Variants in MYT1L observed in about 807,000 individuals in gnomAD.
The protein encoded by MYT1L is myelin transcription factor 1-like protein.
Under a neutral mutation model 126.7 loss-of-function variants are expected in MYT1L, and 12 were observed. That is an observed-to-expected ratio of 0.09 (90% CI 0.06 to 0.15). The LOEUF is 0.15. Ranked by LOEUF, MYT1L falls within the 10% of genes least tolerant of loss-of-function variation. The pLI is 1.00. For missense variants in MYT1L, 979 were observed against 1,585.2 expected (o/e 0.62, Z 6.49); for synonymous variants, 541 against 604.2 (o/e 0.90, Z 1.53).
intron 4 of MYT1L, among the ~76,000 whole-genome samples, chr2:2,045,214 T>G (rs1049251544): frequency 6.6e-6 from 1 of 152,266 alleles, no homozygotes; most frequent in African/African-American, 2.4e-5. Flanking sequence ...ATGAGAGTTA[T>G]GCATGTAAAT....
chr2:2,258,036 A>C (rs1186369397), intron 2 of MYT1L, among the ~76,000 whole-genome samples: 1 of 115,176 alleles, frequency 8.7e-6, no homozygotes, highest in African/African-American at 3.8e-5. Flanking sequence ...TACTGGTACC[A>C]AAACAGAGAT....
At chr2:2,091,014 C>T (rs1575101763) in intron 3 of MYT1L, among the ~76,000 whole-genome samples, 2 of 152,362 alleles carry the variant, frequency 1.3e-5, no homozygotes, top group South Asian at 4.1e-4. Flanking sequence ...ATATCCTCCA[C>T]TGAAGTCTTG....
At chr2:1,868,733 C>A (rs952867976) in intron 18 of MYT1L, among the ~76,000 whole-genome samples, 1 of 152,184 alleles carries the variant, frequency 6.6e-6, no homozygotes, top group South Asian at 2.1e-4. Context: ...TGCAGACGAG[C>A]GTTGCTATGG....
At chr2:1,832,964 C>T (rs755801401) in intron 21 of MYT1L, among the ~76,000 whole-genome samples, 3 of 152,230 alleles carry the variant, frequency 2.0e-5, no homozygotes, top group Non-Finnish European at 4.4e-5. Flanking sequence ...GTAAACCAGA[C>T]CTGGACGGAG....
At chr2:2,093,445 G>C (rs942851679) in intron 3 of MYT1L, among the ~76,000 whole-genome samples, 3 of 151,874 alleles carry the variant, frequency 2.0e-5, no homozygotes, top group Non-Finnish European at 4.4e-5. Flanking sequence ...GGCCAGTGAT[G>C]ATGAGCATTT....
Position 2,089,454 on chromosome 2 carries a change from C to G in MYT1L, c.-303-35331G>C, listed in dbSNP as rs538849427. Among the ~76,000 whole-genome samples, 8 of 152,314 alleles carry G rather than the reference C, an allele frequency of 5.3e-5. No homozygotes were observed. In the East Asian group the frequency reaches 1.5e-3, roughly 29 times the overall value. ...TCTTCTTAGGTCTTTCCTAATAAAG[C>G]TACACACATGAAAGAAACAGAAATC... On this transcript the variant is annotated intron_variant, in intron 3 of 24. Transcript: ENST00000647738.
intron 3 of MYT1L, among the ~76,000 whole-genome samples, chr2:2,068,763 C>T (rs943832427): frequency 0.023 from 143 of 6,276 alleles, no homozygotes; most frequent in Admixed American, 0.033. Flanking sequence ...CACCTGTGTT[C>T]TTCTTGTTTT....
chr2:1,991,159 G>A (rs952904509), intron 5 of MYT1L, among the ~76,000 whole-genome samples: 8 of 152,152 alleles, frequency 5.3e-5, no homozygotes, highest in Non-Finnish European at 8.8e-5. Context: ...GCCTGCTTCC[G>A]AGTAAGAAGT....
chr2:1,859,818 T>G (rs1297771358), intron 18 of MYT1L, among the ~76,000 whole-genome samples: 1 of 152,226 alleles, frequency 6.6e-6, no homozygotes, highest in Admixed American at 6.5e-5. Flanking sequence ...GACGCACGCA[T>G]GCTGCCCCAG....
At chr2:1,803,080 TAGAAAGATGAG>T (rs1391907146) in intron 22 of MYT1L, among the ~76,000 whole-genome samples, 1 of 151,978 alleles carries the variant, frequency 6.6e-6, no homozygotes, top group Non-Finnish European at 1.5e-5. Flanking sequence ...ACCAAGACGT[TAGAAAGATGAG>T]AGTAAGAGAA....
intron 14 of MYT1L, among the ~76,000 whole-genome samples, chr2:1,893,924 T>C (rs1174175636): frequency 5.9e-5 from 9 of 152,164 alleles, no homozygotes; most frequent in Admixed American, 2.6e-4. Flanking sequence ...AGAGGAAGAC[T>C]GAGGACAGTG....
chr2:2,240,396 T>TA (rs1333027371), intron 2 of MYT1L, among the ~76,000 whole-genome samples: 1 of 151,800 alleles, frequency 6.6e-6, no homozygotes. Context: ...AGACTCATTT[T>TA]TAAAAAAAAA....
intron 2 of MYT1L, among the ~76,000 whole-genome samples, chr2:2,202,091 A>G (rs1183646396): frequency 6.6e-6 from 1 of 152,166 alleles, no homozygotes; most frequent in Non-Finnish European, 1.5e-5. Flanking sequence ...AAGACACAAC[A>G]TACCAGAATC....
chr2:2,285,717 C>T (rs1055846801), intron 1 of MYT1L, among the ~76,000 whole-genome samples: 4 of 152,124 alleles, frequency 2.6e-5, no homozygotes, highest in Non-Finnish European at 4.4e-5. Flanking sequence ...CTCCCATTTC[C>T]GAGTATCCAG....
chr2:2,191,996 G>A (rs1335046392), intron 2 of MYT1L, among the ~76,000 whole-genome samples: 1 of 152,232 alleles, frequency 6.6e-6, no homozygotes, highest in Non-Finnish European at 1.5e-5. Flanking sequence ...TCCTTGTCTG[G>A]AGGAAAGTAA....
Position 1,801,699 on chromosome 2 carries a change from A to T in MYT1L, c.3273T>A (p.Thr1091=). The T allele has an allele frequency of 6.2e-7, 1 of 1,601,984 alleles. No individual in the cohort carries two copies. The highest frequency in any genetic ancestry group is 8.5e-7 in the Non-Finnish European group (1 of 1,172,286). ...QMEADMIKLR[T]QITTMESNLK... ...TGAGGGCTTCAAAAACTGTTACCTGAGTTCTGAGTTTAATCATATCGGCTT... is the reference window on the plus strand; with the variant it reads ...TGAGGGCTTCAAAAACTGTTACCTGTGTTCTGAGTTTAATCATATCGGCTT... Residue 1091 remains threonine (T), a synonymous_variant, in exon 23 of 25, where the codon ACT becomes ACA. Coordinates refer to ENST00000647738, the MANE Select transcript of MYT1L (RefSeq NM_001303052.2). The surrounding 1 kb of genome is among the most constrained non-coding windows in gnomAD (Gnocchi z 4.2).
At chr2:1,899,875 T>C (rs1171293792) in intron 14 of MYT1L, among the ~76,000 whole-genome samples, 3 of 152,070 alleles carry the variant, frequency 2.0e-5, no homozygotes, top group Admixed American at 6.5e-5. Flanking sequence ...CAGACACAGA[T>C]TGACAGATGG....
At chr2:1,798,751 A>G (rs767427382) in intron 23 of MYT1L, among the ~76,000 whole-genome samples, 3 of 152,214 alleles carry the variant, frequency 2.0e-5, no homozygotes, top group Admixed American at 6.5e-5. Context: ...TGCAAGGGGC[A>G]TGAAGGCTGC....
chr2:2,176,857 C>T (rs1186552396), intron 2 of MYT1L, among the ~76,000 whole-genome samples: 1 of 152,184 alleles, frequency 6.6e-6, no homozygotes, highest in Non-Finnish European at 1.5e-5. Context: ...AACATGTCAA[C>T]TAACCACATA....
Sources: allele counts gnomAD v4.1 joint callset (sites outside exome capture counted in the v4.1 genomes callset), GRCh38; gene constraint gnomAD v4.1.1; non-coding constraint Gnocchi (gnomAD v3.1); transcripts MANE v1.5; gene names NCBI Gene and HGNC (gene_info 2026-07-23, HGNC 2026-07-21).